The following ATP2B1 variants were observed in gnomAD, a reference collection of about 807,000 sequenced individuals.
ATP2B1 encodes plasma membrane calcium-transporting ATPase 1.
Under a neutral mutation model 124.2 loss-of-function variants are expected in ATP2B1, and 14 were observed. The ratio of observed to expected loss-of-function variants is 0.11; its 90% CI spans 0.07 to 0.18. The LOEUF is 0.18. Ranked by LOEUF, ATP2B1 falls within the 10% of genes least tolerant of loss-of-function variation. The pLI, the probability that ATP2B1 is intolerant of heterozygous loss-of-function variation, is 1.00. For synonymous variants in ATP2B1, 449 were observed against 492.4 expected, an observed-to-expected ratio of 0.91 and a Z score of 1.17; for missense variants, 763 against 1,466.1, an observed-to-expected ratio of 0.52 and a Z score of 7.83.
chr12:89,645,890 A>T (rs1171615616), intron 2 of ATP2B1, among the ~76,000 whole-genome samples: 2 of 152,200 alleles, frequency 1.3e-5, no homozygotes, highest in Admixed American at 1.3e-4. Context: ...TATCTGAAGG[A>T]AATTGAAGAG....
chr12:89,597,158 C>A (rs913885691), intron 20 of ATP2B1, among the ~76,000 whole-genome samples: 1 of 152,022 alleles, frequency 6.6e-6, no homozygotes, highest in South Asian at 2.1e-4. Context: ...GGAACATTTA[C>A]CATCTAGGGC....
intron 2 of ATP2B1, among the ~76,000 whole-genome samples, chr12:89,643,129 TATATGTATATAC>T (rs1277219327): frequency 1.1e-4 from 17 of 151,138 alleles, no homozygotes; most frequent in Non-Finnish European, 2.4e-4. Flanking sequence ...TATACACGTA[TATATGTATATAC>T]ACGTGTATAT....
intron 8 of ATP2B1, among the ~76,000 whole-genome samples, chr12:89,625,843 A>C (rs961916771): frequency 2.0e-5 from 3 of 152,204 alleles, no homozygotes; most frequent in Non-Finnish European, 4.4e-5. Flanking sequence ...CCTAGAGAGC[A>C]GTAAAATGAT....
chr12:89,647,044 T>G (rs560473560), intron 2 of ATP2B1, among the ~76,000 whole-genome samples: 1 of 152,296 alleles, frequency 6.6e-6, no homozygotes, highest in East Asian at 1.9e-4. Context: ...GAAAGTAAAG[T>G]ATGAGATATA....
chr12:89,609,016 C>T (rs746098733), intron 15 of ATP2B1, among the ~76,000 whole-genome samples: 1 of 152,182 alleles, frequency 6.6e-6, no homozygotes, highest in African/African-American at 2.4e-5. Context: ...TGTTGAAAGG[C>T]TGCCACCATG....
intron 1 of ATP2B1, among the ~76,000 whole-genome samples, chr12:89,680,576 G>T (rs1372506996): frequency 6.6e-6 from 1 of 152,084 alleles, no homozygotes; most frequent in Non-Finnish European, 1.5e-5. Flanking sequence ...AGGAGTAAGG[G>T]TCAAGAGGTA....
intron 1 of ATP2B1, among the ~76,000 whole-genome samples, chr12:89,706,166 G>T (rs544514981): frequency 6.6e-6 from 1 of 152,242 alleles, no homozygotes; most frequent in South Asian, 2.1e-4. Context: ...GCACCTGAGA[G>T]GAGCCATGTA....
At position 89,656,014 on chromosome 12, in the gene ATP2B1, T is replaced by C. The variant is rs185641814; in HGVS notation, c.-128A>G. The C allele has an allele frequency of 9.3e-6, 9 of 964,478 alleles. No individual in the cohort carries two copies. Among genetic ancestry groups the C allele is most frequent in the Non-Finnish European group, 1.3e-5 (9 of 674,110 alleles). 59.7% of individuals were successfully genotyped at this position (964,478 alleles called of 1,614,324 possible). Reference sequence around the variant, plus strand: ...AAACCAAACACTCATTGTATGACTTTGTAAAGCAGCATCAGCAGCAACATT... The same window carrying C: ...AAACCAAACACTCATTGTATGACTTCGTAAAGCAGCATCAGCAGCAACATT... On this transcript the variant is annotated 5_prime_UTR_variant, in exon 2 of 21. Transcript: ENST00000428670.
At chr12:89,654,391 G>C (rs927405014) in intron 2 of ATP2B1, among the ~76,000 whole-genome samples, 2 of 152,180 alleles carry the variant, frequency 1.3e-5, no homozygotes, top group Non-Finnish European at 2.9e-5. Context: ...CATCAAAATG[G>C]TGTAGCATAT....
At position 89,590,808 on chromosome 12, in the gene ATP2B1, C is replaced by T; in HGVS notation, c.*176G>A. Reference sequence around the variant, plus strand: ...CCACCCCCCAAAAAGCACCCTCAGTCTGGCAGAAAGCTTTGCTTTTTTTTT... The same window carrying T: ...CCACCCCCCAAAAAGCACCCTCAGTTTGGCAGAAAGCTTTGCTTTTTTTTT... On this transcript the variant is annotated 3_prime_UTR_variant, in exon 21 of 21. Coordinates refer to ENST00000428670, the MANE Select transcript of ATP2B1 (RefSeq NM_001366521.1). 1 of 703,292 alleles carries T rather than the reference C, an allele frequency of 1.4e-6. No homozygotes were observed. The highest frequency in any genetic ancestry group is 2.2e-6 in the Non-Finnish European group (1 of 445,662). 43.6% of individuals were successfully genotyped at this position (703,292 alleles called of 1,614,324 possible).
chr12:89,674,198 A>G (rs1404764349), intron 1 of ATP2B1, among the ~76,000 whole-genome samples: 1 of 152,164 alleles, frequency 6.6e-6, no homozygotes, highest in Non-Finnish European at 1.5e-5. Context: ...TCAATCAATC[A>G]AACTACTAAT....
intron 16 of ATP2B1, 87 bp downstream of exon 16, chr12:89,604,068 C>A: frequency 1.4e-6 from 2 of 1,437,288 alleles, no homozygotes; most frequent in Non-Finnish European, 9.4e-7. Flanking sequence ...TAAGCTTCAG[C>A]TTAAATATTA....
In ATP2B1 at chr12:89,662,348, T is replaced by C. The variant is rs190717698; in HGVS notation, c.-221-6241A>G. ...GCTTGCATGTAATATCTCACTCTCATAGTGAAAAGAGCAGATGGTCTATTA... is the reference window on the plus strand; with the variant it reads ...GCTTGCATGTAATATCTCACTCTCACAGTGAAAAGAGCAGATGGTCTATTA... On this transcript the variant is annotated intron_variant, in intron 1 of 20. Coordinates refer to ENST00000428670, the MANE Select transcript of ATP2B1 (RefSeq NM_001366521.1). Among the ~76,000 whole-genome samples, 26 of 152,260 alleles carry C rather than the reference T, an allele frequency of 1.7e-4. No individual in the cohort carries two copies. In the East Asian group the frequency reaches 4.1e-3, roughly 24 times the overall value.
intron 11 of ATP2B1, among the ~76,000 whole-genome samples, chr12:89,617,463 G>T (rs1294407951): frequency 1.3e-5 from 2 of 152,074 alleles, no homozygotes; most frequent in African/African-American, 4.8e-5. Flanking sequence ...CCCCTTACCT[G>T]AGATGTTGTT....
At chr12:89,619,332 C>T (rs746415899) in intron 11 of ATP2B1, among the ~76,000 whole-genome samples, 12 of 152,126 alleles carry the variant, frequency 7.9e-5, no homozygotes, top group Non-Finnish European at 1.8e-4. Flanking sequence ...AAACTTGAGG[C>T]CAGGTGCAGT....
chr12:89,679,069 AC>A (rs1161319901), intron 1 of ATP2B1, among the ~76,000 whole-genome samples: 1 of 151,964 alleles, frequency 6.6e-6, no homozygotes, highest in Non-Finnish European at 1.5e-5. Context: ...AAAAAAAATC[AC>A]TATTTTAGGC....
chr12:89,610,166 G>A (rs1877723589), intron 14 of ATP2B1, 123 bp from the exon 15 acceptor site: 1 of 964,634 alleles, frequency 1.0e-6, no homozygotes, highest in African/African-American at 1.7e-5. Context: ...ATATAAAAAT[G>A]GAAATTGCTT....
intron 6 of ATP2B1, among the ~76,000 whole-genome samples, 167 bp from the exon 7 acceptor site, chr12:89,627,883 C>T (rs1445336103): frequency 6.6e-6 from 1 of 152,180 alleles, no homozygotes; most frequent in Non-Finnish European, 1.5e-5. Context: ...CAATCACTCC[C>T]TAAGTCTTAC....
At position 89,591,102 on chromosome 12, in the gene ATP2B1, G is replaced by A. The variant is rs542927109; in HGVS notation, c.3545C>T (p.Ser1182Phe). 41 of 1,613,126 alleles carry A rather than the reference G, an allele frequency of 2.5e-5. No individual in the cohort carries two copies. The highest frequency in any genetic ancestry group is 3.3e-5 in the Non-Finnish European group (39 of 1,179,398). ...PTKRNSSPPP[S>F]PNKNNNAVDS... is the part of the protein sequence containing the mutation. Reference sequence around the variant, plus strand: ...AACAGCATTGTTATTTTTGTTGGGAGAGGGTGGAGGACTGGAGTTACGTTT... The same window carrying A: ...AACAGCATTGTTATTTTTGTTGGGAAAGGGTGGAGGACTGGAGTTACGTTT... The change falls in exon 21 of 21, where the codon TCT becomes TTT. Residue 1182 changes from serine (S) to phenylalanine (F), a missense_variant. Physicochemically the swap from Ser to Phe is radical, Grantham distance 155. Transcript: ENST00000428670.
Sources: allele counts gnomAD v4.1 joint callset (sites outside exome capture counted in the v4.1 genomes callset), GRCh38; gene constraint gnomAD v4.1.1; transcripts MANE v1.5; gene names NCBI Gene and HGNC (gene_info 2026-07-23, HGNC 2026-07-21).